TPP2: variants seen among roughly 807,000 people sequenced by gnomAD.
TPP2 encodes tripeptidyl peptidase 2.
Under a neutral mutation model 155.9 loss-of-function variants are expected in TPP2, and 34 were observed. That is an observed-to-expected ratio of 0.22 (90% CI 0.17 to 0.29). The LOEUF (loss-of-function observed/expected upper bound fraction) is 0.29, where lower values mean the gene tolerates loss of function less well. Among genes scored for constraint, TPP2 ranks in the 10% least tolerant of loss-of-function variants. The pLI is 1.00. For missense variants in TPP2, 1,028 were observed against 1,522.3 expected (o/e 0.68, Z 5.40); for synonymous variants, 510 against 529.4 (o/e 0.96, Z 0.50).
intron 10 of TPP2, among the ~76,000 whole-genome samples, chr13:102,633,482 T>C (rs1053899816): frequency 1.3e-5 from 2 of 152,246 alleles, no homozygotes; most frequent in Non-Finnish European, 2.9e-5. Flanking sequence ...ATTAATTGCA[T>C]TAATGTCTTG....
intron 19 of TPP2, among the ~76,000 whole-genome samples, chr13:102,645,906 T>A (rs192416635): frequency 6.6e-6 from 1 of 152,050 alleles, no homozygotes; most frequent in East Asian, 1.9e-4. Flanking sequence ...TCTGGGGAGG[T>A]CTGTGCTGCA....
At chr13:102,637,291 G>T in intron 14 of TPP2, 52 bp downstream of exon 14, 1 of 1,536,142 alleles carries the variant, frequency 6.5e-7, no homozygotes, top group East Asian at 2.4e-5. Context: ...ATGTTTAAAA[G>T]GTTAAAAAAA....
At chr13:102,611,862 C>T (rs942359894) in intron 2 of TPP2, among the ~76,000 whole-genome samples, 3 of 152,120 alleles carry the variant, frequency 2.0e-5, no homozygotes, top group African/African-American at 7.2e-5. Context: ...CCAGTTGTCC[C>T]AACACCATGT....
At chr13:102,627,801 G>C in intron 7 of TPP2, 47 bp from the exon 8 acceptor site, 2 of 1,417,812 alleles carry the variant, frequency 1.4e-6, no homozygotes, top group Non-Finnish European at 2.0e-6. Flanking sequence ...TGGCTAATCT[G>C]TTTCTGTAAA....
At chr13:102,645,083 G>GT in intron 19 of TPP2, 74 bp downstream of exon 19, 1 of 1,395,342 alleles carries the variant, frequency 7.2e-7, no homozygotes, top group Non-Finnish European at 9.6e-7. Context: ...TTAAAAAAGG[G>GT]CCTTTTTTTT....
rs778386213 is a variant in TPP2 at position 102,657,069 on chromosome 13, T to C, written c.3005T>C (p.Val1002Ala). The part of the protein sequence containing the change: ...QGKFKKDVIP[V>A]HYYLIPPPTK... The stretch of plus-strand genomic sequence containing the variant: ...CCACATTCGTAGGATGTAATCCCTG[T>C]TCATTACTACTTAATACCTCCACCA... Residue 1002 changes from valine to alanine, a missense_variant, in exon 25 of 30, where the codon GTT becomes GCT. By Grantham distance (64) the Val-to-Ala change is moderately conservative. Around this residue, in one of 7 missense-constraint regions of TPP2, gnomAD observed 179 missense variants for 274.7 expected, o/e 0.65. Transcript: ENST00000376052. The C allele has an allele frequency of 6.3e-7, 1 of 1,590,886 alleles. No homozygotes were observed. The highest frequency in any genetic ancestry group is 2.3e-5 in the East Asian group (1 of 43,796).
At chr13:102,663,283 G>C (rs890039512) in intron 25 of TPP2, among the ~76,000 whole-genome samples, 3 of 152,246 alleles carry the variant, frequency 2.0e-5, no homozygotes, top group Admixed American at 1.3e-4. Context: ...GAGTATCTGG[G>C]ACTACAGGCA....
intron 24 of TPP2, among the ~76,000 whole-genome samples, chr13:102,653,541 T>G (rs1883653604): frequency 6.6e-6 from 1 of 152,076 alleles, no homozygotes; most frequent in Non-Finnish European, 1.5e-5. Context: ...ACTACAGGCG[T>G]GTGCCACTAT....
At chr13:102,612,980 T>C (rs1271327109) in intron 2 of TPP2, among the ~76,000 whole-genome samples, 1 of 152,266 alleles carries the variant, frequency 6.6e-6, no homozygotes. Flanking sequence ...ATTTAAAAGC[T>C]AGTGACTACT....
chr13:102,660,294 CA>C lies in TPP2; in HGVS notation c.3143+3094del, dbSNP rs1239112770. Among the ~76,000 whole-genome samples the C allele has an allele frequency of 2.0e-5, 3 of 150,734 alleles. No individual in the cohort carries two copies. The East Asian group carries it at 5.8e-4, about 29-fold the overall frequency. On this transcript the variant is annotated intron_variant, in intron 25 of 29. Transcript: ENST00000376052. ...AAGCTGTATAGGAGGAACAGTGGAACAAAAAAACAGGATACATCAAAAACAA... is the reference window on the plus strand; with the variant it reads ...AAGCTGTATAGGAGGAACAGTGGAACAAAAAACAGGATACATCAAAAACAA...
intron 9 of TPP2, 38 bp from the exon 10 acceptor site, chr13:102,630,057 GT>G (rs755225788): frequency 1.3e-6 from 2 of 1,566,192 alleles, no homozygotes; most frequent in African/African-American, 1.4e-5. Flanking sequence ...CAGGATCCCC[GT>G]TTGTTTTCTT....
At chr13:102,667,182 A>T (rs1167135801) in intron 27 of TPP2, among the ~76,000 whole-genome samples, 2 of 142,736 alleles carry the variant, frequency 1.4e-5, no homozygotes, top group Non-Finnish European at 3.0e-5. Context: ...AGTAACATCA[A>T]AAATTGTAAA....
intron 2 of TPP2, among the ~76,000 whole-genome samples, chr13:102,605,720 CT>C (rs1049098409): frequency 2.3e-5 from 3 of 133,246 alleles, no homozygotes; most frequent in African/African-American, 8.4e-5. Flanking sequence ...TTTTAAACTT[CT>C]TTTTTTCTTT....
At chr13:102,603,435 C>G (rs1309063031) in intron 1 of TPP2, among the ~76,000 whole-genome samples, 1 of 152,098 alleles carries the variant, frequency 6.6e-6, no homozygotes, top group African/African-American at 2.4e-5. Flanking sequence ...ATCGAGGAGG[C>G]CTTTCTGCAG....
chr13:102,603,080 A>G (rs1476394808), intron 1 of TPP2, among the ~76,000 whole-genome samples: 2 of 152,158 alleles, frequency 1.3e-5, no homozygotes, highest in Non-Finnish European at 2.9e-5. Context: ...AAAAATATAT[A>G]TTGTTACTTG....
At chr13:102,675,549 C>T (rs1285286345) in intron 28 of TPP2, among the ~76,000 whole-genome samples, 2 of 152,190 alleles carry the variant, frequency 1.3e-5, no homozygotes, top group African/African-American at 2.4e-5. Flanking sequence ...ATGTGCCAAA[C>T]ACTACTTACT....
intron 17 of TPP2, among the ~76,000 whole-genome samples, chr13:102,644,199 A>G (rs562567530): frequency 6.6e-6 from 1 of 152,206 alleles, no homozygotes; most frequent in Admixed American, 6.5e-5. Flanking sequence ...TACAAAGTTG[A>G]AGTATCTTTA....
intron 13 of TPP2, 23 bp downstream of exon 13, chr13:102,636,415 G>C: frequency 6.3e-7 from 1 of 1,598,278 alleles, no homozygotes; most frequent in Non-Finnish European, 8.5e-7. Flanking sequence ...CTGGCAGTAA[G>C]CTGACGTATT....
intron 16 of TPP2, 41 bp from the exon 17 acceptor site, chr13:102,643,181 C>T: frequency 6.5e-7 from 1 of 1,531,022 alleles, no homozygotes; most frequent in Non-Finnish European, 8.7e-7. Context: ...AATTTTAGGT[C>T]TTATAAGTTT....
Sources: allele counts gnomAD v4.1 joint callset (sites outside exome capture counted in the v4.1 genomes callset), GRCh38; gene constraint gnomAD v4.1.1; regional missense constraint gnomAD v4.1.1; transcripts MANE v1.5; gene names NCBI Gene and HGNC (gene_info 2026-07-23, HGNC 2026-07-21).